ATP13A3: variants seen among roughly 807,000 people sequenced by gnomAD.
ATP13A3 encodes the protein polyamine-transporting ATPase 13A3.
A neutral mutation model predicts 158.1 loss-of-function variants in ATP13A3; 59 were observed. The ratio of observed to expected loss-of-function variants is 0.37; its 90% confidence interval spans 0.30 to 0.46. The LOEUF is 0.46. Ranked by LOEUF, ATP13A3 falls within the 20% of genes least tolerant of loss-of-function variation. The pLI, the probability that ATP13A3 is intolerant of heterozygous loss-of-function variation, is 1.00. For missense variants in ATP13A3, 1,166 were observed against 1,525.2 expected (o/e 0.76, Z 3.92); for synonymous variants, 491 against 504.3 (o/e 0.97, Z 0.35).
intron 14 of ATP13A3, among the ~76,000 whole-genome samples, chr3:194,445,805 T>C (rs974832977): frequency 9.2e-5 from 14 of 152,210 alleles, no homozygotes; most frequent in African/African-American, 3.1e-4. Context: ...CTGGTCAAAG[T>C]TTAATTCTCA....
intron 30 of ATP13A3, among the ~76,000 whole-genome samples, chr3:194,424,975 C>G (rs1217467394): frequency 6.6e-6 from 1 of 152,192 alleles, no homozygotes; most frequent in Non-Finnish European, 1.5e-5. Flanking sequence ...ATTCCTAACT[C>G]CCTCCGCAGT....
chr3:194,414,380 T>C (rs576731539), intron 31 of ATP13A3, among the ~76,000 whole-genome samples: 2 of 151,600 alleles, frequency 1.3e-5, no homozygotes, highest in Non-Finnish European at 1.5e-5. Flanking sequence ...CGAGAATCAC[T>C]TGAGCCTGGG....
Position 194,430,992 on chromosome 3 carries a change from T to C in ATP13A3, c.2575A>G (p.Met859Val), listed in dbSNP as rs1334126556. 1 of 1,613,832 alleles carries C rather than the reference T, an allele frequency of 6.2e-7. No homozygotes were observed. ...AACTGTGTCTTCTGATCAGGTGCCA[T>C]ACGGGCAAACACGGTGCCATGCAAC... ...LMLHGTVFAR[M>V]APDQKTQLIE... Residue 859 changes from methionine to valine, a missense_variant, in exon 24 of 34, where the codon ATG (methionine) becomes GTG (valine). Coordinates refer to ENST00000645319, the MANE Select transcript of ATP13A3 (RefSeq NM_001367549.1).
chr3:194,472,582 G>C (rs2109025377), intron 2 of ATP13A3, among the ~76,000 whole-genome samples: 1 of 152,276 alleles, frequency 6.6e-6, no homozygotes, highest in South Asian at 2.1e-4. Flanking sequence ...AATGATTAAA[G>C]ATGAGAAATT....
chr3:194,441,286 T>C (rs1718034532), intron 16 of ATP13A3, 25 bp downstream of exon 16: 1 of 1,563,896 alleles, frequency 6.4e-7, no homozygotes, highest in African/African-American at 1.4e-5. Flanking sequence ...CTAAAGTTAT[T>C]TGTATTTTAA....
At chr3:194,443,784 A>G (rs1023257420) in intron 15 of ATP13A3, among the ~76,000 whole-genome samples, 1 of 152,210 alleles carries the variant, frequency 6.6e-6, no homozygotes, top group Middle Eastern at 3.2e-3. Context: ...AGCAACAGAA[A>G]CAAAAGTAAA....
At chr3:194,432,685 G>GT in intron 21 of ATP13A3, among the ~76,000 whole-genome samples, 1 of 152,178 alleles carries the variant, frequency 6.6e-6, no homozygotes, top group Non-Finnish European at 1.5e-5. Flanking sequence ...GTTACCTTGA[G>GT]TTATACGGTA....
intron 2 of ATP13A3, among the ~76,000 whole-genome samples, chr3:194,471,259 C>T (rs1720287651): frequency 1.3e-5 from 2 of 149,978 alleles, no homozygotes; most frequent in South Asian, 4.2e-4. Flanking sequence ...TTTCTATCTC[C>T]TCTACATTTT....
rs567065009 is a variant in ATP13A3, at chr3:194,475,887, T to C, written c.-47+9907A>G. Among the ~76,000 whole-genome samples, 11 of 152,296 alleles carry C rather than the reference T, an allele frequency of 7.2e-5. No individual in the cohort carries two copies. The South Asian group carries it at 2.1e-3, about 29-fold the overall frequency. ...GCCTTTCAAAACCAGGAAAAAATCA[T>C]CTTCACTTAACCAAGATTAGTATTT... On this transcript the variant is annotated intron_variant, in intron 2 of 33. Transcript: ENST00000645319.
At chr3:194,459,601 T>C in intron 5 of ATP13A3, 60 bp from the exon 6 acceptor site, 1 of 1,384,736 alleles carries the variant, frequency 7.2e-7, no homozygotes, top group African/African-American at 1.4e-5. Flanking sequence ...ATATGTAATC[T>C]GTTACTTCTA....
intron 2 of ATP13A3, among the ~76,000 whole-genome samples, chr3:194,485,465 T>C (rs1720929778): frequency 6.6e-6 from 1 of 152,240 alleles, no homozygotes; most frequent in Non-Finnish European, 1.5e-5. Context: ...GATAGAGCAC[T>C]GTTCATTACG....
chr3:194,442,622 G>A (rs1213469416), intron 15 of ATP13A3, among the ~76,000 whole-genome samples: 1 of 152,042 alleles, frequency 6.6e-6, no homozygotes, highest in Non-Finnish European at 1.5e-5. Context: ...CCAACACATG[G>A]TTAGGATTCC....
intron 3 of ATP13A3, among the ~76,000 whole-genome samples, chr3:194,461,446 T>C (rs1268097937): frequency 6.6e-6 from 1 of 152,224 alleles, no homozygotes; most frequent in Non-Finnish European, 1.5e-5. Flanking sequence ...ACAGTACATT[T>C]GGACGAATAG....
intron 24 of ATP13A3, 55 bp downstream of exon 24, chr3:194,430,888 G>T: frequency 1.5e-6 from 2 of 1,378,780 alleles, no homozygotes; most frequent in Non-Finnish European, 2.0e-6. Context: ...TTCTGATGCT[G>T]AAATGAAACC....
intron 8 of ATP13A3, 44 bp downstream of exon 8, chr3:194,455,849 C>T (rs1387474097): frequency 1.7e-6 from 2 of 1,146,138 alleles, no homozygotes; most frequent in African/African-American, 1.6e-5. Flanking sequence ...ATTGACACAT[C>T]CATTGATCAT....
At chr3:194,417,837 T>C (rs1398501047) in intron 31 of ATP13A3, among the ~76,000 whole-genome samples, 1 of 152,022 alleles carries the variant, frequency 6.6e-6, no homozygotes, top group African/African-American at 2.4e-5. Context: ...GGTGCACAAC[T>C]GTGGTCCCAG....
chr3:194,480,649 T>C lies in ATP13A3; in HGVS notation c.-47+5145A>G, dbSNP rs116207102. Among the ~76,000 whole-genome samples, 243 of 152,324 alleles carry C rather than the reference T, an allele frequency of 1.6e-3. 1 individual carries two copies. Among genetic ancestry groups the C allele is most frequent in the African/African-American group, 5.6e-3 (231 of 41,572 alleles). ...ACTAGATCTTTTTGTGGCATAACCT[T>C]ACGGAGATAGCAGATGTTCATAAAT... On this transcript the variant is annotated intron_variant, in intron 2 of 33. Coordinates refer to ENST00000645319, the MANE Select transcript of ATP13A3 (RefSeq NM_001367549.1).
At position 194,460,954 on chromosome 3, in the gene ATP13A3, A is replaced by G. The variant is rs190774295; in HGVS notation, c.52-123T>C. ...TATTGTCTTGTCACATAAACTGTAAATATTTTCCAATCCATAATTTACCTT... is the reference window on the plus strand; with the variant it reads ...TATTGTCTTGTCACATAAACTGTAAGTATTTTCCAATCCATAATTTACCTT... On this transcript the variant is annotated intron_variant, in intron 3 of 33. Transcript: ENST00000645319. 1,810 of 1,028,534 alleles carry G rather than the reference A, an allele frequency of 1.8e-3. 3 individuals are homozygous for G. The highest frequency in any genetic ancestry group is 5.6e-3 in the Middle Eastern group (23 of 4,120). 63.7% of individuals were successfully genotyped at this position (1,028,534 alleles called of 1,614,324 possible). A position where few individuals can be genotyped will look rare whatever the true frequency, so the allele number is the denominator to read the frequency against.
At chr3:194,464,652 G>C (rs1719885490) in intron 2 of ATP13A3, among the ~76,000 whole-genome samples, 1 of 152,182 alleles carries the variant, frequency 6.6e-6, no homozygotes, top group African/African-American at 2.4e-5. Flanking sequence ...CTTTTGCTCT[G>C]ACACTGTCCC....
Sources: gnomAD v4.1 joint callset for allele counts (sites outside exome capture counted in the v4.1 genomes callset) on GRCh38, gnomAD v4.1.1 for gene constraint, MANE v1.5 for transcripts, NCBI Gene and HGNC (gene_info 2026-07-23, HGNC 2026-07-21) for gene names.